CHKA: variants seen among roughly 807,000 people sequenced by gnomAD.
CHKA encodes the protein CHETK-alpha.
CHKA carries 34 observed loss-of-function variants against 60.1 expected under a neutral mutation model. The observed-to-expected ratio is 0.57, with a 90% CI of 0.43 to 0.75. The LOEUF (loss-of-function observed/expected upper bound fraction) is 0.75. CHKA is among the 30% of genes least tolerant of loss of function. The probability of loss-of-function intolerance (pLI) is 0.00; values close to 1 mark genes in which losing one functional copy is unlikely to be tolerated. For synonymous variants in CHKA, 217 were observed against 223.1 expected, an observed-to-expected ratio of 0.97 and a Z score of 0.24; for missense variants, 563 against 561.3, an observed-to-expected ratio of 1.00 and a Z score of -0.03.
At chr11:68,064,400 T>G in intron 10 of CHKA, 125 bp downstream of exon 10, 1 of 517,770 alleles carries the variant, frequency 1.9e-6, no homozygotes, top group Non-Finnish European at 3.4e-6. Flanking sequence ...AGAGCAAGAC[T>G]CTGTCTCAAA....
intron 9 of CHKA, among the ~76,000 whole-genome samples, chr11:68,065,049 T>C (rs2134514695): frequency 6.6e-6 from 1 of 152,212 alleles, no homozygotes; most frequent in African/African-American, 2.4e-5. Flanking sequence ...CTCCACACAA[T>C]CACCAGCCTC....
At chr11:68,095,399 T>C (rs1857466713) in intron 2 of CHKA, among the ~76,000 whole-genome samples, 1 of 36,740 alleles carries the variant, frequency 2.7e-5, no homozygotes, top group African/African-American at 1.2e-4. Context: ...CAAGACTCCA[T>C]CTCAAAAAAA....
At position 68,121,312 on chromosome 11, in the gene CHKA, GGGCGGC is replaced by G; in HGVS notation, c.-141_-136del. The stretch of plus-strand genomic sequence containing the variant: ...GGGGGCCGCGGCGGTTGGGCGCGCG[GGGCGGC>G]GGCGGCGGCTGCGGCGACTGCGGCG... On this transcript the variant is annotated 5_prime_UTR_variant, in exon 1 of 12. Transcript: ENST00000265689. The G allele has an allele frequency of 2.0e-6, 1 of 491,980 alleles. No individual in the cohort carries two copies. The highest frequency in any genetic ancestry group is 2.6e-6 in the Non-Finnish European group (1 of 381,982). 30.5% of individuals were successfully genotyped at this position (491,980 alleles called of 1,614,324 possible).
At chr11:68,079,486 C>G (rs556423619) in intron 3 of CHKA, among the ~76,000 whole-genome samples, 1 of 152,112 alleles carries the variant, frequency 6.6e-6, no homozygotes, top group East Asian at 1.9e-4. Flanking sequence ...CCCGCCACCA[C>G]GCCTGGCTAA....
chr11:68,084,372 G>A (rs1400669418), intron 2 of CHKA, among the ~76,000 whole-genome samples: 3 of 124,848 alleles, frequency 2.4e-5, no homozygotes, highest in African/African-American at 5.9e-5. Flanking sequence ...ACATATATAC[G>A]TATATGTGTA....
In CHKA at chr11:68,069,136, C is replaced by T. The variant is rs150862079; in HGVS notation, c.870-199G>A. On this transcript the variant is annotated intron_variant, in intron 6 of 11. Coordinates refer to ENST00000265689, the MANE Select transcript of CHKA (RefSeq NM_001277.3). ...GGCCCTCTGCACTCAGCTCTTCCCC[C>T]GGAGGACCTCTGCATGTGCCGCTCC... is the stretch of plus-strand genomic sequence containing the variant. Among the ~76,000 whole-genome samples, 262 of 152,224 alleles carry T rather than the reference C, an allele frequency of 1.7e-3. 2 individuals carry two copies. The highest frequency in any genetic ancestry group is 2.8e-3 in the Admixed American group (43 of 15,284).
chr11:68,087,046 C>T (rs1325477076), intron 2 of CHKA, among the ~76,000 whole-genome samples: 1 of 152,116 alleles, frequency 6.6e-6, no homozygotes, highest in Non-Finnish European at 1.5e-5. Flanking sequence ...TTCAAAGTAT[C>T]TTTAAACGTC....
At chr11:68,081,609 T>A (rs926056175) in intron 2 of CHKA, 152 bp from the exon 3 acceptor site, 4 of 606,350 alleles carry the variant, frequency 6.6e-6, no homozygotes, top group African/African-American at 5.5e-5. Flanking sequence ...CAGCATCTAA[T>A]GCACCAGCAG....
At chr11:68,108,137 C>T (rs1016943288) in intron 1 of CHKA, among the ~76,000 whole-genome samples, 3 of 152,072 alleles carry the variant, frequency 2.0e-5, no homozygotes, top group African/African-American at 7.2e-5. Flanking sequence ...AGAAGAAGTG[C>T]TTTTATTATT....
At chr11:68,076,912 G>A (rs928458948) in intron 3 of CHKA, among the ~76,000 whole-genome samples, 1 of 152,174 alleles carries the variant, frequency 6.6e-6, no homozygotes, top group Admixed American at 6.5e-5. Context: ...GAAGAAAGGG[G>A]GAGATGGTGT....
At chr11:68,064,417 A>C in intron 10 of CHKA, 108 bp downstream of exon 10, 1 of 568,606 alleles carries the variant, frequency 1.8e-6, no homozygotes, top group Non-Finnish European at 3.0e-6. Context: ...CAAAAAAAAA[A>C]AAAGAAGAAG....
intron 5 of CHKA, 143 bp from the exon 6 acceptor site, chr11:68,070,436 G>C: frequency 2.8e-6 from 2 of 718,164 alleles, no homozygotes; most frequent in East Asian, 2.7e-5. Context: ...CCATGACTGA[G>C]GGGAAGAGGA....
chr11:68,105,887 T>C (rs1857898249), intron 1 of CHKA, among the ~76,000 whole-genome samples: 3 of 152,042 alleles, frequency 2.0e-5, no homozygotes, highest in Non-Finnish European at 4.4e-5. Flanking sequence ...GGCCTGGACC[T>C]AGGAGAAAAT....
chr11:68,065,951 C>T (rs1419137141), intron 8 of CHKA, 57 bp from the exon 9 acceptor site: 5 of 1,231,484 alleles, frequency 4.1e-6, no homozygotes, highest in Middle Eastern at 1.9e-4. Context: ...CCTGGAGGCT[C>T]CCTGACTGCA....
At chr11:68,098,136 G>A (rs1305236214) in intron 1 of CHKA, among the ~76,000 whole-genome samples, 1 of 151,908 alleles carries the variant, frequency 6.6e-6, no homozygotes, top group Non-Finnish European at 1.5e-5. Flanking sequence ...CGGGTGTGGT[G>A]GCACACACCT....
Position 68,086,806 on chromosome 11 carries a change from T to C in CHKA, c.463-5349A>G, listed in dbSNP as rs149296619. Among the ~76,000 whole-genome samples, 41 of 152,246 alleles carry C rather than the reference T, an allele frequency of 2.7e-4. 3 individuals carry two copies. In the East Asian group the frequency reaches 7.0e-3, roughly 26 times the overall value. ...ATTGAGACCATCCTGGCTGACACAG[T>C]GAAACACCGTCTCTACTAAAAATAC... On this transcript the variant is annotated intron_variant, in intron 2 of 11. Coordinates refer to ENST00000265689, the MANE Select transcript of CHKA (RefSeq NM_001277.3).
intron 6 of CHKA, 74 bp from the exon 7 acceptor site, chr11:68,069,011 G>T: frequency 1.7e-6 from 2 of 1,151,366 alleles, no homozygotes; most frequent in Non-Finnish European, 1.3e-6. Context: ...TCTCCACATG[G>T]CCAGCACCAA....
chr11:68,088,632 G>C (rs1857260872), intron 2 of CHKA, among the ~76,000 whole-genome samples: 1 of 152,016 alleles, frequency 6.6e-6, no homozygotes, highest in South Asian at 2.1e-4. Flanking sequence ...ACATTTTGCA[G>C]TATATTTTCT....
In CHKA at chr11:68,060,322, G is replaced by A. The variant is rs563603404; in HGVS notation, c.1314+1631C>T. ...TCTGGGATTACAGGCATGGGCCACC[G>A]CACCCGGCCAGAGTTTCATTCTTAT... On this transcript the variant is annotated intron_variant, in intron 11 of 11. Coordinates refer to ENST00000265689, the MANE Select transcript of CHKA (RefSeq NM_001277.3). Among the ~76,000 whole-genome samples the A allele has an allele frequency of 5.3e-5, 8 of 149,878 alleles. No individual in the cohort carries two copies. In the South Asian group the frequency reaches 6.3e-4, roughly 12 times the overall value.
Sources: gnomAD v4.1 joint callset for allele counts (sites outside exome capture counted in the v4.1 genomes callset) on GRCh38, gnomAD v4.1.1 for gene constraint, MANE v1.5 for transcripts, NCBI Gene and HGNC (gene_info 2026-07-23, HGNC 2026-07-21) for gene names.